CCDC91: variants seen among roughly 807,000 people sequenced by gnomAD.
CCDC91 encodes coiled-coil domain containing 91.
A neutral mutation model predicts 63.2 loss-of-function variants in CCDC91; 48 were observed. The ratio of observed to expected loss-of-function variants is 0.76; its 90% CI spans 0.60 to 0.97. The LOEUF (loss-of-function observed/expected upper bound fraction) is 0.97, where lower values mean the gene tolerates loss of function less well. Ranked by LOEUF, CCDC91 falls within the 50% of genes least tolerant of loss-of-function variation. The pLI is 0.00. For synonymous variants in CCDC91, 167 were observed against 165.8 expected, an observed-to-expected ratio of 1.01 and a Z score of -0.06; for missense variants, 500 against 494.6, an observed-to-expected ratio of 1.01 and a Z score of -0.10.
chr12:28,470,881 C>T (rs1485135842), intron 11 of CCDC91, among the ~76,000 whole-genome samples: 3 of 151,858 alleles, frequency 2.0e-5, no homozygotes, highest in Admixed American at 2.0e-4. Context: ...ATCTAAAAAT[C>T]AAAACAATTG....
chr12:28,540,258 T>C (rs2141793047), intron 12 of CCDC91, among the ~76,000 whole-genome samples: 1 of 152,272 alleles, frequency 6.6e-6, no homozygotes, highest in South Asian at 2.1e-4. Context: ...GGATTTTTTA[T>C]ATGATGTATT....
intron 1 of CCDC91, among the ~76,000 whole-genome samples, chr12:28,212,468 T>C (rs1192380804): frequency 1.3e-5 from 2 of 152,218 alleles, no homozygotes; most frequent in Non-Finnish European, 2.9e-5. Context: ...GTATGAATCA[T>C]TGAAATATGG....
chr12:28,517,262 G>A (rs539351018), intron 12 of CCDC91, among the ~76,000 whole-genome samples: 49 of 151,988 alleles, frequency 3.2e-4, no homozygotes, highest in Non-Finnish European at 5.9e-4. Flanking sequence ...TTAGTTATAG[G>A]CTGAAGTGCC....
chr12:28,275,657 A>C (rs1362976787), intron 3 of CCDC91, among the ~76,000 whole-genome samples: 3 of 152,154 alleles, frequency 2.0e-5, no homozygotes, highest in Non-Finnish European at 4.4e-5. Context: ...AGTCTGGCAG[A>C]GACACAACAA....
chr12:28,283,905 A>C (rs1948753210), intron 3 of CCDC91, among the ~76,000 whole-genome samples: 1 of 152,152 alleles, frequency 6.6e-6, no homozygotes, highest in Non-Finnish European at 1.5e-5. Flanking sequence ...TGGATTAGGG[A>C]TGCACAATCT....
chr12:28,512,946 G>T (rs1427634395), intron 12 of CCDC91, among the ~76,000 whole-genome samples: 1 of 151,806 alleles, frequency 6.6e-6, no homozygotes, highest in Non-Finnish European at 1.5e-5. Context: ...CCCTCATGCT[G>T]TACTTCTTTA....
intron 3 of CCDC91, among the ~76,000 whole-genome samples, chr12:28,284,409 T>A (rs1948787755): frequency 6.6e-6 from 1 of 152,108 alleles, no homozygotes; most frequent in Non-Finnish European, 1.5e-5. Context: ...TCCCGGCACT[T>A]TGGGAGGCTG....
Position 28,306,855 on chromosome 12 carries a change from C to G in CCDC91, c.381C>G (p.Ala127=). Reference sequence around the variant, plus strand: ...TGGATGATTCTGAGGATCCTGGAGCCAATGTATCTAACATACAGCTTCAGC... The same window carrying G: ...TGGATGATTCTGAGGATCCTGGAGCGAATGTATCTAACATACAGCTTCAGC... ...ALVDDSEDPG[A]NVSNIQLQQK... Residue 127 remains alanine, a synonymous_variant, in exon 5 of 13, where the codon GCC becomes GCG. Transcript: ENST00000536442. The G allele has an allele frequency of 6.2e-7, 1 of 1,611,628 alleles. No individual in the cohort carries two copies. The highest frequency in any genetic ancestry group is 1.3e-5 in the African/African-American group (1 of 74,878).
At chr12:28,400,898 G>C (rs903665665) in intron 8 of CCDC91, among the ~76,000 whole-genome samples, 3 of 152,134 alleles carry the variant, frequency 2.0e-5, no homozygotes, top group African/African-American at 7.2e-5. Context: ...ATCACTATCA[G>C]CATTTTGGTC....
intron 11 of CCDC91, among the ~76,000 whole-genome samples, chr12:28,469,693 C>T (rs1950715403): frequency 6.6e-6 from 1 of 151,966 alleles, no homozygotes; most frequent in Non-Finnish European, 1.5e-5. Context: ...AATTGTATTC[C>T]AGAGCTATAG....
intron 6 of CCDC91, among the ~76,000 whole-genome samples, chr12:28,342,909 G>T (rs1942537853): frequency 6.6e-6 from 1 of 152,124 alleles, no homozygotes; most frequent in Non-Finnish European, 1.5e-5. Flanking sequence ...GAAATAGGCT[G>T]AAGTTTGTAG....
At chr12:28,242,190 TATG>T (rs1264631845) in intron 1 of CCDC91, among the ~76,000 whole-genome samples, 1 of 152,130 alleles carries the variant, frequency 6.6e-6, no homozygotes, top group Non-Finnish European at 1.5e-5. Flanking sequence ...GATTTGGTCA[TATG>T]ATGCTTATAA....
intron 3 of CCDC91, among the ~76,000 whole-genome samples, chr12:28,280,122 A>G (rs1202124670): frequency 1.3e-5 from 2 of 152,158 alleles, no homozygotes; most frequent in Non-Finnish European, 2.9e-5. Flanking sequence ...AAGTCAGTGT[A>G]CAGACTAGAA....
intron 6 of CCDC91, among the ~76,000 whole-genome samples, chr12:28,360,254 G>T (rs550344419): frequency 6.6e-6 from 1 of 152,230 alleles, no homozygotes. Context: ...AATGGAACCT[G>T]TTTAATCAGT....
chr12:28,266,532 A>G (rs1440533108), intron 3 of CCDC91, among the ~76,000 whole-genome samples: 1 of 152,006 alleles, frequency 6.6e-6, no homozygotes, highest in African/African-American at 2.4e-5. Flanking sequence ...CGGTGGTTCT[A>G]AAAACATAGA....
At chr12:28,345,351 A>G (rs1363023231) in intron 6 of CCDC91, among the ~76,000 whole-genome samples, 2 of 152,084 alleles carry the variant, frequency 1.3e-5, no homozygotes, top group East Asian at 3.9e-4. Context: ...GTATAGTAAG[A>G]GCTGCTTCTT....
chr12:28,292,985 A>G (rs1196814662), intron 3 of CCDC91, among the ~76,000 whole-genome samples: 2 of 152,208 alleles, frequency 1.3e-5, no homozygotes, highest in Admixed American at 1.3e-4. Flanking sequence ...TTGTAATCTG[A>G]CAACTGTCAA....
chr12:28,470,378 A>G (rs1417739191), intron 11 of CCDC91, among the ~76,000 whole-genome samples: 4 of 152,220 alleles, frequency 2.6e-5, no homozygotes, highest in Non-Finnish European at 5.9e-5. Flanking sequence ...TAAAAACTGC[A>G]GTGAGATATA....
At chr12:28,265,050 G>T (rs760787393) in intron 3 of CCDC91, among the ~76,000 whole-genome samples, 1 of 152,004 alleles carries the variant, frequency 6.6e-6, no homozygotes, top group South Asian at 2.1e-4. Flanking sequence ...TACATGAAAA[G>T]AATATTATGT....
Sources: allele counts gnomAD v4.1 joint callset (sites outside exome capture counted in the v4.1 genomes callset), GRCh38; gene constraint gnomAD v4.1.1; transcripts MANE v1.5; gene names NCBI Gene and HGNC (gene_info 2026-07-23, HGNC 2026-07-21).